Variants in PCCA observed in about 807,000 individuals in gnomAD.
PCCA encodes propionyl-CoA carboxylase subunit alpha.
In PCCA, 74 loss-of-function variants were observed where a neutral mutation model predicts 101.3. That is an observed-to-expected ratio of 0.73 (90% CI 0.61 to 0.89). The LOEUF (loss-of-function observed/expected upper bound fraction) is 0.89, where lower values mean the gene tolerates loss of function less well. Among genes scored for constraint, PCCA ranks in the 40% least tolerant of loss-of-function variants. The probability of loss-of-function intolerance (pLI) is 0.00; values close to 1 mark genes in which losing one functional copy is unlikely to be tolerated. For synonymous variants in PCCA, 294 were observed against 313.6 expected (o/e 0.94, Z 0.66); for missense variants, 891 against 907.0 (o/e 0.98, Z 0.23).
At chr13:100,308,412 C>G (rs932472788) in intron 15 of PCCA, among the ~76,000 whole-genome samples, 2 of 152,096 alleles carry the variant, frequency 1.3e-5, no homozygotes, top group Non-Finnish European at 2.9e-5. Context: ...GCAGCCTTGA[C>G]CTCCCAGGCT....
intron 20 of PCCA, among the ~76,000 whole-genome samples, chr13:100,435,946 G>A (rs2079899320): frequency 6.6e-6 from 1 of 152,008 alleles, no homozygotes; most frequent in Non-Finnish European, 1.5e-5. Flanking sequence ...GGGAGGCAAA[G>A]ACAGGAGAAT....
intron 16 of PCCA, among the ~76,000 whole-genome samples, chr13:100,322,759 A>G (rs2068205775): frequency 6.6e-6 from 1 of 151,866 alleles, no homozygotes; most frequent in Non-Finnish European, 1.5e-5. Flanking sequence ...TATTTTTTGT[A>G]GAGACAGGGT....
intron 20 of PCCA, among the ~76,000 whole-genome samples, chr13:100,431,658 A>G (rs1237381870): frequency 6.8e-6 from 1 of 146,936 alleles, no homozygotes; most frequent in Admixed American, 6.8e-5. Context: ...CGAGGTCAGG[A>G]GATCGAGACC....
At position 100,127,156 on chromosome 13, in the gene PCCA, C is replaced by T. The variant is rs565270318; in HGVS notation, c.300+15095C>T. 5.3e-5 allele frequency among the ~76,000 whole-genome samples: 8 copies of T among 152,226 alleles called. No individual in the cohort carries two copies. The South Asian group carries it at 1.7e-3, about 32-fold the overall frequency. ...CAGTCAGGCAAAAATTATATTTGGG[C>T]AGGATTTATATCAGTATCTTCATGT... is the stretch of plus-strand genomic sequence containing the variant. On this transcript the variant is annotated intron_variant, in intron 4 of 23. Transcript: ENST00000376285.
chr13:100,406,864 C>T (rs1007641599), intron 19 of PCCA, among the ~76,000 whole-genome samples: 1 of 151,048 alleles, frequency 6.6e-6, no homozygotes, highest in African/African-American at 2.4e-5. Context: ...TATTTGTGAA[C>T]ACTTCAGCTC....
At chr13:100,405,769 C>CTTTTTTTT (rs34906541) in intron 19 of PCCA, among the ~76,000 whole-genome samples, 4 of 116,384 alleles carry the variant, frequency 3.4e-5, no homozygotes, top group Admixed American at 2.0e-4. Context: ...AAGTGACATT[C>CTTTTTTTT]TTTTTTTTTT....
chr13:100,383,011 AT>A (rs1022727446), intron 19 of PCCA, among the ~76,000 whole-genome samples: 5 of 152,054 alleles, frequency 3.3e-5, no homozygotes, highest in African/African-American at 7.2e-5. Context: ...CTTAGAACAT[AT>A]TTTTTAGTAT....
chr13:100,362,048 A>T (rs2074667313), intron 18 of PCCA, among the ~76,000 whole-genome samples: 1 of 152,200 alleles, frequency 6.6e-6, no homozygotes, highest in Non-Finnish European at 1.5e-5. Flanking sequence ...TGGTACAGTA[A>T]AATACTTCTC....
chr13:100,425,418 C>G (rs545867587), intron 19 of PCCA, among the ~76,000 whole-genome samples: 39 of 152,180 alleles, frequency 2.6e-4, no homozygotes, highest in Non-Finnish European at 4.7e-4. Flanking sequence ...GCCTCAGTAC[C>G]CGGAGGCAGC....
chr13:100,325,182 A>C (rs1016738333), intron 16 of PCCA, among the ~76,000 whole-genome samples: 5 of 152,192 alleles, frequency 3.3e-5, no homozygotes, highest in Non-Finnish European at 7.3e-5. Flanking sequence ...CTTTTTTGTG[A>C]AACACCTTTC....
intron 21 of PCCA, among the ~76,000 whole-genome samples, chr13:100,514,610 G>A (rs1487888090): frequency 9.9e-5 from 15 of 152,068 alleles, no homozygotes; most frequent in African/African-American, 3.6e-4. Flanking sequence ...ATTTATTCAC[G>A]GAGAGGATAG....
In PCCA at chr13:100,273,178, A is replaced by AT. The variant is rs1311154145; in HGVS notation, c.915-11dup. 1 of 1,606,470 alleles carries AT rather than the reference A, an allele frequency of 6.2e-7. No homozygotes were observed. ...ATTTTTGTCCGAAATGTAGACAAACATTTTTTTGTATATGTAGCATTTTTT... is the reference window on the plus strand; with the variant it reads ...ATTTTTGTCCGAAATGTAGACAAACATTTTTTTTGTATATGTAGCATTTTTT... On this transcript the variant is annotated splice_polypyrimidine_tract_variant and intron_variant, in intron 11 of 23. Coordinates refer to ENST00000376285, the MANE Select transcript of PCCA (RefSeq NM_000282.4).
chr13:100,302,870 A>T (rs1313219830), intron 13 of PCCA, 54 bp from the exon 14 acceptor site: 1 of 965,208 alleles, frequency 1.0e-6, no homozygotes, highest in South Asian at 1.3e-5. Flanking sequence ...ATTTAACCTT[A>T]CTTGTGCTGA....
chr13:100,133,112 G>A (rs569264769), intron 4 of PCCA, among the ~76,000 whole-genome samples: 3 of 152,168 alleles, frequency 2.0e-5, no homozygotes, highest in Non-Finnish European at 4.4e-5. Flanking sequence ...TTTGGAAGTA[G>A]TATCTCATTG....
intron 21 of PCCA, chr13:100,491,128 G>C (rs975396124): frequency 2.6e-5 from 4 of 152,300 alleles, no homozygotes; most frequent in Non-Finnish European, 1.5e-5. Flanking sequence ...AACATTGTAA[G>C]AAATAGTCAC....
intron 20 of PCCA, 34 bp from the exon 21 acceptor site, chr13:100,449,218 T>A (rs1046717361): frequency 1.5e-6 from 2 of 1,374,580 alleles, no homozygotes; most frequent in Non-Finnish European, 2.0e-6. Flanking sequence ...TGTGCAGATA[T>A]GAGTTCATTT....
chr13:100,432,035 T>C (rs915091933), intron 20 of PCCA, among the ~76,000 whole-genome samples: 1 of 151,886 alleles, frequency 6.6e-6, no homozygotes, highest in African/African-American at 2.4e-5. Flanking sequence ...CTGTCTTTAC[T>C]GAAAATACAA....
Position 100,527,549 on chromosome 13 carries a change from T to C in PCCA, c.2041-126T>C, listed in dbSNP as rs192823577. On this transcript the variant is annotated intron_variant, in intron 22 of 23. Coordinates refer to ENST00000376285, the MANE Select transcript of PCCA (RefSeq NM_000282.4). The stretch of plus-strand genomic sequence containing the variant: ...AGCTTGGAATAGGAAACATTAGAGA[T>C]TGTTGCTGCTGTTCATAGACACATA... 11 of 724,202 alleles carry C rather than the reference T, an allele frequency of 1.5e-5. No individual in the cohort carries two copies. In the East Asian group the frequency reaches 2.9e-4, roughly 19 times the overall value. The allele number at this position is 724,202 out of a possible 1,614,324, so 44.9% of individuals were successfully genotyped here. A position where few individuals can be genotyped will look rare whatever the true frequency, so the allele number is the denominator to read the frequency against.
chr13:100,349,793 C>G (rs1434269041), intron 18 of PCCA, among the ~76,000 whole-genome samples: 1 of 152,182 alleles, frequency 6.6e-6, no homozygotes, highest in Non-Finnish European at 1.5e-5. Flanking sequence ...CGGCTGGCTA[C>G]ACAGCCTGGT....
Sources: allele counts gnomAD v4.1 joint callset (sites outside exome capture counted in the v4.1 genomes callset), GRCh38; gene constraint gnomAD v4.1.1; transcripts MANE v1.5; gene names NCBI Gene and HGNC (gene_info 2026-07-23, HGNC 2026-07-21).